Variants in TCF20 observed in about 807,000 individuals in gnomAD.
The protein encoded by TCF20 is transcription factor 20, also known as SPRE-binding protein.
In TCF20, 3 loss-of-function variants were observed where a neutral mutation model predicts 148.6. The ratio of observed to expected loss-of-function variants is 0.02; its 90% CI spans 0.01 to 0.05. The LOEUF (loss-of-function observed/expected upper bound fraction) is 0.05. Ranked by LOEUF, TCF20 falls within the 10% of genes least tolerant of loss-of-function variation. The pLI is 1.00. For missense variants in TCF20, 2,350 were observed against 2,429.3 expected (o/e 0.97, Z 0.69); for synonymous variants, 1,049 against 909.5 (o/e 1.15, Z -2.76).
At chr22:42,307,038 TAAAAAAAAAAA>T (rs5845532) in intron 1 of TCF20, among the ~76,000 whole-genome samples, 1 of 92,762 alleles carries the variant, frequency 1.1e-5, no homozygotes, top group Non-Finnish European at 2.1e-5. Context: ...GACTCTGTCT[TAAAAAAAAAAA>T]AAAAAAAAAA....
At chr22:42,215,961 C>T (rs1442139288) in intron 1 of TCF20, among the ~76,000 whole-genome samples, 2 of 151,790 alleles carry the variant, frequency 1.3e-5, no homozygotes, top group Non-Finnish European at 2.9e-5. Flanking sequence ...AATGAGCCCC[C>T]AAACTCAACC....
chr22:42,232,150 T>G (rs929312310), intron 1 of TCF20, among the ~76,000 whole-genome samples: 1 of 152,150 alleles, frequency 6.6e-6, no homozygotes, highest in African/African-American at 2.4e-5. Flanking sequence ...ACCTTCTCTA[T>G]GTTTAGACAT....
At chr22:42,321,711 C>T (rs1190407853) in intron 1 of TCF20, among the ~76,000 whole-genome samples, 3 of 151,710 alleles carry the variant, frequency 2.0e-5, no homozygotes, top group Non-Finnish European at 4.4e-5. Context: ...CTTTGGAAGG[C>T]GGAGGTGGGC....
chr22:42,276,175 A>G (rs746204534), intron 1 of TCF20, among the ~76,000 whole-genome samples: 11 of 152,222 alleles, frequency 7.2e-5, no homozygotes, highest in South Asian at 2.1e-4. Flanking sequence ...TTTTGTTGAC[A>G]TGCTCTTCAT....
In TCF20 at chr22:42,188,557, T is replaced by C. The variant is rs147284143; in HGVS notation, c.5656-8855A>G. On this transcript the variant is annotated intron_variant, in intron 2 of 5. Transcript: ENST00000677622. ...TGATTCCACAGCATAAAACTGCATGTCCAGAAAGTAGAAACATGGGTTGGA... is the reference window on the plus strand; with the variant it reads ...TGATTCCACAGCATAAAACTGCATGCCCAGAAAGTAGAAACATGGGTTGGA... Among the ~76,000 whole-genome samples, 486 of 152,282 alleles carry C rather than the reference T, an allele frequency of 3.2e-3. 6 individuals carry two copies. In the Middle Eastern group the frequency reaches 0.054, roughly 17 times the overall value.
chr22:42,214,601 A>G lies in TCF20; in HGVS notation c.705T>C (p.Tyr235=), dbSNP rs1835897867. Residue 235 remains tyrosine, a synonymous_variant, in exon 2 of 6, where the codon TAT becomes TAC. Coordinates refer to ENST00000677622, the MANE Select transcript of TCF20 (RefSeq NM_001378418.1). The part of the protein sequence containing the change: ...QLRVGQFGQH[Y]QSSASSSSSS... ...AGGAGGAGGAGGAAGCAGAAGACTG[A>G]TAGTGTTGGCCAAACTGACCCACTC... 3.7e-6 allele frequency: 6 copies of G among 1,614,086 alleles called. No individual in the cohort carries two copies. The highest frequency in any genetic ancestry group is 4.2e-6 in the Non-Finnish European group (5 of 1,180,016).
chr22:42,229,718 T>C (rs1352933453), intron 1 of TCF20, among the ~76,000 whole-genome samples: 1 of 152,194 alleles, frequency 6.6e-6, no homozygotes, highest in Non-Finnish European at 1.5e-5. Flanking sequence ...CAAAACACTT[T>C]CCAAATCTGA....
intron 3 of TCF20, among the ~76,000 whole-genome samples, chr22:42,176,385 G>T (rs934335074): frequency 3.3e-5 from 5 of 152,018 alleles, no homozygotes; most frequent in South Asian, 2.1e-4. Context: ...GGAAGGGGGG[G>T]GCAGGATGAA....
intron 1 of TCF20, among the ~76,000 whole-genome samples, chr22:42,304,362 A>G (rs1927395821): frequency 6.6e-6 from 1 of 151,724 alleles, no homozygotes; most frequent in South Asian, 2.1e-4. Context: ...GGAGGTGGGG[A>G]GGCTGGGCTG....
At chr22:42,307,878 C>T (rs572626975) in intron 1 of TCF20, among the ~76,000 whole-genome samples, 10 of 152,244 alleles carry the variant, frequency 6.6e-5, no homozygotes, top group South Asian at 2.1e-4. Flanking sequence ...AGCTGGACAC[C>T]GGCCTCCTGT....
chr22:42,273,700 C>T (rs958297322), upstream of TCF20, among the ~76,000 whole-genome samples: 27 of 151,954 alleles, frequency 1.8e-4, no homozygotes, highest in Admixed American at 6.6e-4. Flanking sequence ...CCTCCTAACC[C>T]AGTCCACTCA....
At chr22:42,233,987 T>TA (rs1923656242) in intron 1 of TCF20, among the ~76,000 whole-genome samples, 1 of 152,250 alleles carries the variant, frequency 6.6e-6, no homozygotes, top group Non-Finnish European at 1.5e-5. Context: ...TCAATGCCTC[T>TA]AGCCCTTGAA....
At chr22:42,178,265 G>A (rs1240625721) in intron 3 of TCF20, among the ~76,000 whole-genome samples, 1 of 152,176 alleles carries the variant, frequency 6.6e-6, no homozygotes, top group Non-Finnish European at 1.5e-5. Flanking sequence ...AATTCTGTGA[G>A]CCATGTTAAA....
intron 1 of TCF20, among the ~76,000 whole-genome samples, chr22:42,250,704 T>G (rs1569185792): frequency 6.6e-6 from 1 of 152,210 alleles, no homozygotes; most frequent in Non-Finnish European, 1.5e-5. Context: ...AAAATACATT[T>G]GTTACTATTT....
Position 42,191,974 on chromosome 22 carries a change from G to A in TCF20, c.5656-12272C>T, listed in dbSNP as rs938673820. Among the ~76,000 whole-genome samples the A allele has an allele frequency of 9.8e-5, 15 of 152,296 alleles. No individual in the cohort carries two copies. In the South Asian group the frequency reaches 1.7e-3, roughly 17 times the overall value. ...AAACACTGAAATTGAAGTTGCACAA[G>A]GTCTTGCACTAGCTTATTTTTATTT... On this transcript the variant is annotated intron_variant, in intron 2 of 5. Transcript: ENST00000677622.
chr22:42,301,582 C>T (rs1387547549), intron 1 of TCF20, among the ~76,000 whole-genome samples: 2 of 152,172 alleles, frequency 1.3e-5, no homozygotes, highest in Non-Finnish European at 2.9e-5. Flanking sequence ...ATTCGACAGG[C>T]GGAGGTGTCT....
intron 1 of TCF20, among the ~76,000 whole-genome samples, chr22:42,253,123 G>T (rs1434863302): frequency 6.6e-6 from 1 of 152,120 alleles, no homozygotes; most frequent in Non-Finnish European, 1.5e-5. Flanking sequence ...AGTGGCAAAA[G>T]AAAAAATTTC....
At chr22:42,326,574 G>T (rs1012471259) in intron 1 of TCF20, among the ~76,000 whole-genome samples, 5 of 152,218 alleles carry the variant, frequency 3.3e-5, no homozygotes, top group African/African-American at 7.2e-5. Flanking sequence ...TCTGGGTAAG[G>T]ATGGGGGCCA....
chr22:42,290,395 A>G lies in TCF20; in HGVS notation c.-37+53084T>C, dbSNP rs544944132. Among the ~76,000 whole-genome samples, 1 of 152,334 alleles carries G rather than the reference A, an allele frequency of 6.6e-6. No individual in the cohort carries two copies. The highest frequency in any genetic ancestry group is 2.4e-5 in the African/African-American group (1 of 41,572). ...CCCAGCCAAAACACACGGAATGAGA[A>G]TCGTTCAGAATCTTTCATCTGCTCA... On this transcript the variant is annotated intron_variant, in intron 1 of 1. Transcript: ENST00000515426. This position sits in a 1 kb window ranked among gnomAD's most constrained non-coding sequence, Gnocchi z 4.2.
Sources: gnomAD v4.1 joint callset for allele counts (sites outside exome capture counted in the v4.1 genomes callset) on GRCh38, gnomAD v4.1.1 for gene constraint, Gnocchi (gnomAD v3.1) non-coding constraint, MANE v1.5 for transcripts, NCBI Gene and HGNC (gene_info 2026-07-23, HGNC 2026-07-21) for gene names.